GUCY1A2: variants seen among roughly 807,000 people sequenced by gnomAD.
GUCY1A2 encodes the protein guanylate cyclase soluble subunit alpha-2.
A neutral mutation model predicts 63.5 loss-of-function variants in GUCY1A2; 27 were observed. The ratio of observed to expected loss-of-function variants is 0.43; its 90% CI spans 0.31 to 0.59. The LOEUF is 0.59. Among genes scored for constraint, GUCY1A2 ranks in the 20% least tolerant of loss-of-function variants. GUCY1A2 has a pLI of 0.11. For missense variants in GUCY1A2, 768 were observed against 913.3 expected (o/e 0.84, Z 2.05); for synonymous variants, 364 against 343.5 (o/e 1.06, Z -0.66).
intron 6 of GUCY1A2, among the ~76,000 whole-genome samples, chr11:106,736,014 T>A (rs1426959729): frequency 6.6e-6 from 1 of 152,164 alleles, no homozygotes; most frequent in Non-Finnish European, 1.5e-5. Context: ...TTGAGCTCCC[T>A]ACATATTCTG....
chr11:106,708,395 A>T, intron 7 of GUCY1A2, 117 bp downstream of exon 7: 1 of 781,150 alleles, frequency 1.3e-6, no homozygotes. Context: ...GGGCAGTTCT[A>T]CTCATAATAT....
intron 7 of GUCY1A2, among the ~76,000 whole-genome samples, chr11:106,696,857 T>C (rs931430293): frequency 6.6e-6 from 1 of 152,200 alleles, no homozygotes; most frequent in East Asian, 1.9e-4. Flanking sequence ...AGAAGAGGTA[T>C]AGGTAGGCTC....
In GUCY1A2 at chr11:106,887,838, T is replaced by G. The variant is rs570946505; in HGVS notation, c.1206+51622A>C. Among the ~76,000 whole-genome samples, 39 of 152,342 alleles carry G rather than the reference T, an allele frequency of 2.6e-4. No homozygotes were observed. In the South Asian group the frequency reaches 6.8e-3, roughly 27 times the overall value. On this transcript the variant is annotated intron_variant, in intron 4 of 7. Transcript: ENST00000526355. ...AGAGATATTCAGTGGTATACACTGA[T>G]TAAAAGCCAGGGAATTAGGTCTCTT...
chr11:106,780,460 G>T (rs1397993956), intron 5 of GUCY1A2, among the ~76,000 whole-genome samples: 3 of 152,124 alleles, frequency 2.0e-5, no homozygotes. Flanking sequence ...TTAAGGGATT[G>T]GGGTGGAGGG....
At chr11:106,926,575 T>C (rs1005808916) in intron 4 of GUCY1A2, among the ~76,000 whole-genome samples, 15 of 151,994 alleles carry the variant, frequency 9.9e-5, no homozygotes, top group African/African-American at 3.1e-4. Flanking sequence ...CTTAGAATTA[T>C]CAAATTAGTA....
At chr11:106,968,898 T>C (rs954946261) in intron 3 of GUCY1A2, among the ~76,000 whole-genome samples, 2 of 145,744 alleles carry the variant, frequency 1.4e-5, no homozygotes, top group Non-Finnish European at 3.0e-5. Context: ...CTCAAACTTA[T>C]TAGATTTGAA....
Position 106,682,131 on chromosome 11 carries a change from C to T in GUCY1A2, c.*5418G>A, listed in dbSNP as rs561510655. ...CATCCCTCATGCTTATCAGTGTTGA[C>T]GTCTGTCTCTAAGTTTGAAGATTCA... On this transcript the variant is annotated 3_prime_UTR_variant, in exon 8 of 8. Transcript: ENST00000526355. The T allele has an allele frequency of 2.6e-4, 54 of 207,484 alleles. No individual in the cohort carries two copies. The highest frequency in any genetic ancestry group is 1.2e-3 in the African/African-American group (50 of 42,058). 12.9% of individuals were successfully genotyped at this position (207,484 alleles called of 1,614,324 possible).
chr11:106,828,620 C>G (rs1859009403), intron 4 of GUCY1A2, among the ~76,000 whole-genome samples: 1 of 152,244 alleles, frequency 6.6e-6, no homozygotes, highest in South Asian at 2.1e-4. Flanking sequence ...TCCAATCCAT[C>G]CACTCAATGG....
At chr11:106,821,665 A>G (rs973960786) in intron 4 of GUCY1A2, among the ~76,000 whole-genome samples, 5 of 152,196 alleles carry the variant, frequency 3.3e-5, no homozygotes, top group Non-Finnish European at 5.9e-5. Context: ...ACAAAGCACT[A>G]ACACAGTGTC....
chr11:106,879,634 C>T (rs1014609507), intron 4 of GUCY1A2, among the ~76,000 whole-genome samples: 1 of 151,994 alleles, frequency 6.6e-6, no homozygotes, highest in African/African-American at 2.4e-5. Flanking sequence ...AAGAGATGGG[C>T]CTAAAACAAC....
intron 4 of GUCY1A2, chr11:106,826,373 T>G (rs1358472105): frequency 2.6e-6 from 4 of 1,525,180 alleles, no homozygotes; most frequent in Non-Finnish European, 3.6e-6. Context: ...TTTATATGAT[T>G]CTTGAAGAAA....
chr11:106,750,017 T>C (rs1447180926), intron 6 of GUCY1A2, among the ~76,000 whole-genome samples: 1 of 152,072 alleles, frequency 6.6e-6, no homozygotes. Flanking sequence ...TGATAGGCTA[T>C]CTGCAAGTTG....
intron 6 of GUCY1A2, among the ~76,000 whole-genome samples, chr11:106,753,282 G>A (rs1863915145): frequency 6.6e-6 from 1 of 152,066 alleles, no homozygotes; most frequent in Non-Finnish European, 1.5e-5. Context: ...TTGTCAGATG[G>A]ATAGATTGCA....
At chr11:107,013,959 T>TA (rs142432598) in intron 1 of GUCY1A2, among the ~76,000 whole-genome samples, 20,632 of 151,966 alleles carry the variant, frequency 0.14, 1,725 homozygotes, top group Middle Eastern at 0.19. Context: ...ACCTGCCACA[T>TA]AGATACTACA....
At chr11:106,759,602 G>A (rs1258512320) in intron 6 of GUCY1A2, among the ~76,000 whole-genome samples, 1 of 152,150 alleles carries the variant, frequency 6.6e-6, no homozygotes, top group East Asian at 1.9e-4. Flanking sequence ...ACCAGAGTAG[G>A]GGGGACCCCC....
chr11:106,825,943 T>A (rs1334018686), intron 4 of GUCY1A2, among the ~76,000 whole-genome samples: 1 of 152,142 alleles, frequency 6.6e-6, no homozygotes, highest in Non-Finnish European at 1.5e-5. Flanking sequence ...GTCATCAATA[T>A]AAATATTAGC....
At chr11:106,993,207 T>C (rs573016928) in intron 1 of GUCY1A2, among the ~76,000 whole-genome samples, 8 of 152,284 alleles carry the variant, frequency 5.3e-5, no homozygotes, top group African/African-American at 1.7e-4. Context: ...CTTCTCATCA[T>C]CCTCCAGGTC....
At chr11:106,777,881 T>G (rs1191750739) in intron 5 of GUCY1A2, among the ~76,000 whole-genome samples, 1 of 152,116 alleles carries the variant, frequency 6.6e-6, no homozygotes, top group Non-Finnish European at 1.5e-5. Context: ...GATGAAAAAT[T>G]GAGGTGCAGA....
At chr11:106,816,728 C>A (rs574046165) in intron 4 of GUCY1A2, among the ~76,000 whole-genome samples, 1 of 151,302 alleles carries the variant, frequency 6.6e-6, no homozygotes, top group Admixed American at 6.6e-5. Flanking sequence ...AAAATGACAG[C>A]TAAGTAAACA....
Sources: gnomAD v4.1 joint callset for allele counts (sites outside exome capture counted in the v4.1 genomes callset) on GRCh38, gnomAD v4.1.1 for gene constraint, MANE v1.5 for transcripts, NCBI Gene and HGNC (gene_info 2026-07-23, HGNC 2026-07-21) for gene names.